CSMD1: variants seen among roughly 807,000 people sequenced by gnomAD.
CSMD1 encodes CUB and sushi domain-containing protein 1.
CSMD1 carries 213 observed loss-of-function variants against 417.5 expected under a neutral mutation model. That is an observed-to-expected ratio of 0.51 (90% CI 0.46 to 0.57). The LOEUF (loss-of-function observed/expected upper bound fraction) is 0.57. Ranked by LOEUF, CSMD1 falls within the 20% of genes least tolerant of loss-of-function variation. The probability of loss-of-function intolerance (pLI) is 0.00; values close to 1 mark genes in which losing one functional copy is unlikely to be tolerated. For missense variants in CSMD1, 6,923 were observed against 4,529.7 expected (o/e 1.53, Z -15.17); for synonymous variants, 2,862 against 1,736.8 (o/e 1.65, Z -16.11).
chr8:4,263,098 A>C (rs1374980777), intron 3 of CSMD1, among the ~76,000 whole-genome samples: 2 of 152,194 alleles, frequency 1.3e-5, no homozygotes, highest in Non-Finnish European at 2.9e-5. Flanking sequence ...TTTCATTTAA[A>C]AGCAGTATTA....
intron 10 of CSMD1, among the ~76,000 whole-genome samples, chr8:3,526,615 G>C (rs1387874024): frequency 6.6e-6 from 1 of 152,100 alleles, no homozygotes; most frequent in Non-Finnish European, 1.5e-5. Flanking sequence ...ACAAGTATTA[G>C]TAAATAATTT....
intron 8 of CSMD1, among the ~76,000 whole-genome samples, chr8:3,611,695 T>C (rs941763338): frequency 6.6e-6 from 1 of 152,164 alleles, no homozygotes; most frequent in Non-Finnish European, 1.5e-5. Flanking sequence ...ATCCTCCTAA[T>C]GAAATACATG....
At chr8:3,551,596 AT>A (rs1194152215) in intron 10 of CSMD1, among the ~76,000 whole-genome samples, 9,432 of 112,938 alleles carry the variant, frequency 0.084, 490 homozygotes, top group African/African-American at 0.19. Flanking sequence ...ATATATATAT[AT>A]TTTTTTTTTT....
chr8:4,258,554 G>A lies in CSMD1; in HGVS notation c.415+161399C>T, dbSNP rs144259527. On this transcript the variant is annotated intron_variant, in intron 3 of 69. Coordinates refer to ENST00000635120, the MANE Select transcript of CSMD1 (RefSeq NM_033225.6). ...GGGAGGGAAGAGTGGAACAATGGAG[G>A]GAGGGAGGGAGGGAAGAATGGAAGG... is the stretch of plus-strand genomic sequence containing the variant. Among the ~76,000 whole-genome samples the A allele has an allele frequency of 9.5e-3, 174 of 18,236 alleles. 1 individual carries two copies. Among genetic ancestry groups the A allele is most frequent in the Middle Eastern group, 0.05 (1 of 20 alleles). 12.0% of individuals were successfully genotyped at this position (18,236 alleles called of 152,430 possible). A position where few individuals can be genotyped will look rare whatever the true frequency, so the allele number is the denominator to read the frequency against.
At chr8:4,069,315 G>T (rs935266191) in intron 3 of CSMD1, among the ~76,000 whole-genome samples, 3 of 152,184 alleles carry the variant, frequency 2.0e-5, no homozygotes, top group Non-Finnish European at 2.9e-5. Context: ...TTTAAAAACT[G>T]AAAGTCAACA....
At chr8:4,594,823 T>C (rs769311243) in intron 2 of CSMD1, among the ~76,000 whole-genome samples, 2 of 152,150 alleles carry the variant, frequency 1.3e-5, no homozygotes, top group African/African-American at 2.4e-5. Flanking sequence ...CCCACCTTAA[T>C]AGATAAGTGT....
chr8:3,129,397 T>C (rs977453436), intron 41 of CSMD1, among the ~76,000 whole-genome samples: 6 of 152,174 alleles, frequency 3.9e-5, no homozygotes, highest in Admixed American at 6.5e-5. Flanking sequence ...TTATTACAGA[T>C]TGAAATAATT....
intron 2 of CSMD1, among the ~76,000 whole-genome samples, chr8:4,534,811 G>A (rs910861504): frequency 1.3e-5 from 2 of 152,086 alleles, no homozygotes; most frequent in African/African-American, 4.8e-5. Context: ...TGCCCAGGCT[G>A]GAGTGCAGTA....
At chr8:4,293,096 A>C (rs1391819038) in intron 3 of CSMD1, among the ~76,000 whole-genome samples, 2 of 152,158 alleles carry the variant, frequency 1.3e-5, no homozygotes, top group Non-Finnish European at 2.9e-5. Context: ...CACATGCGGA[A>C]ACAGCAGGAG....
rs904773384 is a variant in CSMD1, at chr8:4,905,515, A to G, written c.85+88817T>C. Among the ~76,000 whole-genome samples the G allele has an allele frequency of 1.1e-4, 17 of 152,082 alleles. 1 individual carries two copies. Among genetic ancestry groups the G allele is most frequent in the African/African-American group, 2.4e-5 (1 of 41,416 alleles). Reference sequence around the variant, plus strand: ...TTTCCATCTATTCCCTATCATCACTAACTCTCTAAAGAAAAAGAAATCGGT... The same window carrying G: ...TTTCCATCTATTCCCTATCATCACTGACTCTCTAAAGAAAAAGAAATCGGT... On this transcript the variant is annotated intron_variant, in intron 1 of 69. Coordinates refer to ENST00000635120, the MANE Select transcript of CSMD1 (RefSeq NM_033225.6).
At chr8:4,294,958 G>A (rs185954042) in intron 3 of CSMD1, among the ~76,000 whole-genome samples, 5 of 150,722 alleles carry the variant, frequency 3.3e-5, no homozygotes, top group Admixed American at 2.7e-4. Flanking sequence ...AAAGTGCCAA[G>A]GATATTTTTC....
rs369340916 is a variant in CSMD1, at chr8:3,348,159, C to T, written c.3307G>A (p.Glu1103Lys). ...TTTCCTTTGACACTTGCTCCACATT[C>T]GGCTACAATAAATAGGACATGAGAG... ...WSAPLPRCVA[E>K]CGASVKGNEG... is the part of the protein sequence containing the mutation. The change falls in exon 22 of 70, where the codon GAA (glutamate) becomes AAA (lysine). Residue 1103 changes from glutamate to lysine, a missense_variant and splice_region_variant. Coordinates refer to ENST00000635120, the MANE Select transcript of CSMD1 (RefSeq NM_033225.6). 23 of 1,610,490 alleles carry T rather than the reference C, an allele frequency of 1.4e-5. No homozygotes were observed. Among genetic ancestry groups the T allele is most frequent in the South Asian group, 5.5e-5 (5 of 90,366 alleles).
chr8:3,268,927 T>C (rs1801636266), intron 26 of CSMD1, among the ~76,000 whole-genome samples: 1 of 152,162 alleles, frequency 6.6e-6, no homozygotes, highest in African/African-American at 2.4e-5. Flanking sequence ...CCAGCTAGTA[T>C]TTTTTATAGA....
chr8:4,258,645 C>A lies in CSMD1; in HGVS notation c.415+161308G>T, dbSNP rs190876979. Among the ~76,000 whole-genome samples the A allele has an allele frequency of 3.8e-5, 5 of 132,278 alleles. No individual in the cohort carries two copies. In the East Asian group the frequency reaches 1.2e-3, roughly 32 times the overall value. The allele number at this position is 132,278 out of a possible 152,430, so 86.8% of individuals were successfully genotyped here. A position where few individuals can be genotyped will look rare whatever the true frequency, so the allele number is the denominator to read the frequency against. On this transcript the variant is annotated intron_variant, in intron 3 of 69. Transcript: ENST00000635120. ...CATTCTAACATGAGGGCCCCACCTACCCTCAGAACTTCATCTAAAAGTAAT... is the reference window on the plus strand; with the variant it reads ...CATTCTAACATGAGGGCCCCACCTAACCTCAGAACTTCATCTAAAAGTAAT...
At chr8:3,333,200 C>A (rs973786859) in intron 23 of CSMD1, among the ~76,000 whole-genome samples, 1 of 152,170 alleles carries the variant, frequency 6.6e-6, no homozygotes, top group Non-Finnish European at 1.5e-5. Context: ...GCCCAGCCAA[C>A]ACCTGGTCAC....
chr8:4,391,997 A>G lies in CSMD1; in HGVS notation c.415+27956T>C, dbSNP rs142496562. On this transcript the variant is annotated intron_variant, in intron 3 of 69. Transcript: ENST00000635120. ...AAGAGAGACCTAGTCAACACCAAGCATCAATCCTAAACTTGTGAGTGGGTA... is the reference window on the plus strand; with the variant it reads ...AAGAGAGACCTAGTCAACACCAAGCGTCAATCCTAAACTTGTGAGTGGGTA... Among the ~76,000 whole-genome samples, 587 of 152,286 alleles carry G rather than the reference A, an allele frequency of 3.9e-3. 2 individuals carry two copies. The highest frequency in any genetic ancestry group is 6.1e-3 in the Non-Finnish European group (414 of 68,022).
Position 3,396,182 on chromosome 8 carries a change from G to C in CSMD1, c.2593+12C>G. On this transcript the variant is annotated intron_variant, in intron 17 of 69. Coordinates refer to ENST00000635120, the MANE Select transcript of CSMD1 (RefSeq NM_033225.6). Reference sequence around the variant, plus strand: ...CTGCCCTGCCGGGCTGTCAAGGGAAGGTGCAACTCACTCTCATAGTGGATG... The same window carrying C: ...CTGCCCTGCCGGGCTGTCAAGGGAACGTGCAACTCACTCTCATAGTGGATG... The C allele has an allele frequency of 6.4e-7, 1 of 1,554,240 alleles. No individual in the cohort carries two copies.
intron 1 of CSMD1, among the ~76,000 whole-genome samples, chr8:4,750,016 T>A (rs1811198324): frequency 6.6e-6 from 1 of 152,002 alleles, no homozygotes; most frequent in African/African-American, 2.4e-5. Context: ...TAATTATTAT[T>A]ATTTTTTTGA....
chr8:4,768,283 G>A (rs896985599), intron 1 of CSMD1, among the ~76,000 whole-genome samples: 5 of 151,944 alleles, frequency 3.3e-5, no homozygotes, highest in African/African-American at 1.2e-4. Flanking sequence ...AGAGAGCACA[G>A]GTAAGAACCC....
Sources: allele counts gnomAD v4.1 joint callset (sites outside exome capture counted in the v4.1 genomes callset), GRCh38; gene constraint gnomAD v4.1.1; transcripts MANE v1.5; gene names NCBI Gene and HGNC (gene_info 2026-07-23, HGNC 2026-07-21).